The following FHL2 variants were observed in gnomAD, a reference collection of about 807,000 sequenced individuals.
FHL2 encodes the protein four and a half LIM domains 2, also known as four and a half LIM domains protein 2.
FHL2 carries 20 observed loss-of-function variants against 32.7 expected under a neutral mutation model. That is an observed-to-expected ratio of 0.61 (90% confidence interval 0.43 to 0.89). FHL2 has a LOEUF of 0.89. Ranked by LOEUF, FHL2 falls within the 40% of genes least tolerant of loss-of-function variation. The pLI is 0.00. For synonymous variants in FHL2, 123 were observed against 128.1 expected, an observed-to-expected ratio of 0.96 and a Z score of 0.27; for missense variants, 311 against 358.6, an observed-to-expected ratio of 0.87 and a Z score of 1.07.
chr2:105,387,486 C>A (rs1356860659), intron 2 of FHL2, among the ~76,000 whole-genome samples: 1 of 152,128 alleles, frequency 6.6e-6, no homozygotes, highest in African/African-American at 2.4e-5. Flanking sequence ...GCCCAGGTAC[C>A]CTGAGAGCAG....
chr2:105,438,511 G>A, upstream of FHL2: 1 of 985,530 alleles, frequency 1.0e-6, no homozygotes, highest in Non-Finnish European at 1.2e-6. Flanking sequence ...CTGCCAGCCA[G>A]CTGCGCTGCC....
chr2:105,387,805 T>C (rs1286213034), intron 2 of FHL2, among the ~76,000 whole-genome samples: 2 of 152,302 alleles, frequency 1.3e-5, no homozygotes, highest in African/African-American at 4.8e-5. Context: ...CACATGTACA[T>C]GAATGTTCAT....
rs1311898458 is a variant in FHL2, at chr2:105,377,068, T to A, written c.157-3335A>T. ...TCTGTAACCCATTCATGCCTGAGGT[T>A]GCAATTTTTTGAATTTCTGCAATCA... On this transcript the variant is annotated intron_variant, in intron 3 of 6. Coordinates refer to ENST00000530340, the MANE Select transcript of FHL2 (RefSeq NM_001318895.3). Among the ~76,000 whole-genome samples, 5 of 152,236 alleles carry A rather than the reference T, an allele frequency of 3.3e-5. No homozygotes were observed. In the East Asian group the frequency reaches 9.6e-4, roughly 29 times the overall value.
At chr2:105,417,684 C>CAAAAAAAAAAAAAAAAAAAA (rs11353319) in intron 1 of FHL2, among the ~76,000 whole-genome samples, 1 of 89,396 alleles carries the variant, frequency 1.1e-5, no homozygotes, top group Non-Finnish European at 2.2e-5. Context: ...ACTCCATCTC[C>CAAAAAAAAAAAAAAAAAAAA]AAAAAAAAAA....
intron 1 of FHL2, among the ~76,000 whole-genome samples, chr2:105,432,922 C>T (rs1684481338): frequency 6.6e-6 from 1 of 152,190 alleles, no homozygotes; most frequent in African/African-American, 2.4e-5. Context: ...GGGAAAAGTA[C>T]TAGCCAAGAA....
At chr2:105,434,039 G>C (rs897684322) in intron 1 of FHL2, among the ~76,000 whole-genome samples, 4 of 151,936 alleles carry the variant, frequency 2.6e-5, no homozygotes, top group African/African-American at 7.2e-5. Flanking sequence ...TCTCCATATT[G>C]TTCACATTCC....
intron 1 of FHL2, among the ~76,000 whole-genome samples, chr2:105,416,094 C>G (rs1683927899): frequency 6.6e-6 from 1 of 152,166 alleles, no homozygotes; most frequent in Admixed American, 6.5e-5. Context: ...TCCCAAAGGG[C>G]TTTTGTTTAT....
chr2:105,396,691 T>G lies in FHL2; in HGVS notation c.-69A>C. On this transcript the variant is annotated 5_prime_UTR_variant, in exon 2 of 7. Coordinates refer to ENST00000530340, the MANE Select transcript of FHL2 (RefSeq NM_001318895.3). ...CCTAGTCTCCAGGAAGACACAGTTC[T>G]CAGCCACTAGAGAAAGCACACGTGT... 1 of 1,612,816 alleles carries G rather than the reference T, an allele frequency of 6.2e-7. No individual in the cohort carries two copies. The highest frequency in any genetic ancestry group is 8.5e-7 in the Non-Finnish European group (1 of 1,179,848).
chr2:105,365,483 GA>G (rs2104496204), intron 5 of FHL2, among the ~76,000 whole-genome samples: 1 of 152,296 alleles, frequency 6.6e-6, no homozygotes, highest in Non-Finnish European at 1.5e-5. Flanking sequence ...GATGACAGAG[GA>G]AGAGCAACTC....
At chr2:105,409,979 G>C (rs1468290560) in intron 1 of FHL2, among the ~76,000 whole-genome samples, 1 of 152,218 alleles carries the variant, frequency 6.6e-6, no homozygotes, top group Non-Finnish European at 1.5e-5. Flanking sequence ...GGAATACCAG[G>C]AGCTCAGCCC....
chr2:105,418,871 T>G (rs1684015341), intron 1 of FHL2, among the ~76,000 whole-genome samples: 1 of 152,226 alleles, frequency 6.6e-6, no homozygotes, highest in African/African-American at 2.4e-5. Context: ...TTATTTATTG[T>G]TAATCTCTTA....
At chr2:105,416,355 G>C (rs559955552) in intron 1 of FHL2, among the ~76,000 whole-genome samples, 1 of 152,268 alleles carries the variant, frequency 6.6e-6, no homozygotes, top group East Asian at 1.9e-4. Context: ...TTCTGCATTC[G>C]ATCTGTGGAG....
downstream of FHL2, chr2:105,359,676 A>G (rs963956422): frequency 6.6e-5 from 10 of 152,148 alleles, no homozygotes; most frequent in African/African-American, 2.2e-4. Context: ...CTACTGCCAC[A>G]CTAGTAGCTC....
intron 6 of FHL2, among the ~76,000 whole-genome samples, chr2:105,362,793 A>G (rs535347707): frequency 6.6e-6 from 1 of 152,310 alleles, no homozygotes; most frequent in South Asian, 2.1e-4. Flanking sequence ...CACTTAGCTG[A>G]ATTCTTTGGG....
Position 105,386,390 on chromosome 2 carries a change from A to G in FHL2, c.127T>C (p.Cys43Arg). The G allele has an allele frequency of 1.2e-6, 2 of 1,613,942 alleles. No individual in the cohort carries two copies. Among genetic ancestry groups the G allele is most frequent in the Non-Finnish European group, 1.7e-6 (2 of 1,179,962 alleles). ...ETLFANTCEE[C>R]GKPIGCDCKD... ...CAGTCACAGCCGATGGGCTTCCCAC[A>G]CTCCTCGCAGGTGTTGGCGAACAGG... Residue 43 changes from cysteine to arginine, a missense_variant, in exon 3 of 7, where the codon TGT becomes CGT. Cys to Arg is a radical substitution (Grantham distance 180). Transcript: ENST00000530340.
intron 1 of FHL2, among the ~76,000 whole-genome samples, chr2:105,413,837 A>G (rs1683861481): frequency 6.6e-6 from 1 of 152,106 alleles, no homozygotes; most frequent in Non-Finnish European, 1.5e-5. Context: ...GTGACCCCAG[A>G]TGGGGGTAAT....
At position 105,363,389 on chromosome 2, in the gene FHL2, A is replaced by C; in HGVS notation, c.584T>G (p.Leu195Arg). Residue 195 changes from leucine (L) to arginine (R), a missense_variant, in exon 6 of 7, where the codon CTG (leucine) becomes CGG (arginine). Leu to Arg is a moderately radical substitution (Grantham distance 102, BLOSUM62 -2). Coordinates refer to ENST00000530340, the MANE Select transcript of FHL2 (RefSeq NM_001318895.3). ...CFVCTACRKQ[L>R]SGQRFTARDD... Reference sequence around the variant, plus strand: ...GCGAGCTGTGAAGCGCTGCCCAGACAGCTGCTTCCTGCAGGCGGTGCACAC... The same window carrying C: ...GCGAGCTGTGAAGCGCTGCCCAGACCGCTGCTTCCTGCAGGCGGTGCACAC... The C allele has an allele frequency of 6.2e-7, 1 of 1,614,026 alleles. No homozygotes were observed.
intron 1 of FHL2, among the ~76,000 whole-genome samples, chr2:105,414,741 T>C (rs989247769): frequency 6.6e-5 from 10 of 152,178 alleles, no homozygotes; most frequent in African/African-American, 9.7e-5. Context: ...TTAGTAGTGA[T>C]GGGGTTTTGC....
At chr2:105,418,601 G>A (rs1684004229) in intron 1 of FHL2, among the ~76,000 whole-genome samples, 1 of 152,158 alleles carries the variant, frequency 6.6e-6, no homozygotes, top group East Asian at 1.9e-4. Flanking sequence ...ATACAACTGT[G>A]GATAAAGTAT....
Sources: allele counts gnomAD v4.1 joint callset (sites outside exome capture counted in the v4.1 genomes callset), GRCh38; gene constraint gnomAD v4.1.1; transcripts MANE v1.5; gene names NCBI Gene and HGNC (gene_info 2026-07-23, HGNC 2026-07-21).